Variants in CMIP observed in about 807,000 individuals in gnomAD.
CMIP encodes C-Maf-inducing protein.
A neutral mutation model predicts 97.3 loss-of-function variants in CMIP; 13 were observed. The observed-to-expected ratio is 0.13, with a 90% CI of 0.09 to 0.21. The LOEUF is 0.21. Among genes scored for constraint, CMIP ranks in the 10% least tolerant of loss-of-function variants. The pLI, the probability that CMIP is intolerant of heterozygous loss-of-function variation, is 1.00. For missense variants in CMIP, 847 were observed against 1,024.9 expected, an observed-to-expected ratio of 0.83 and a Z score of 2.37; for synonymous variants, 538 against 436.3, an observed-to-expected ratio of 1.23 and a Z score of -2.91.
rs139380283 is a variant in CMIP, at chr16:81,657,836, G to A, written c.681+20G>A. 4.3e-4 allele frequency: 680 copies of A among 1,593,916 alleles called. 2 individuals carry two copies. In the African/African-American group the frequency reaches 5.6e-3, roughly 13 times the overall value. On this transcript the variant is annotated intron_variant, in intron 5 of 20. Transcript: ENST00000537098. The stretch of plus-strand genomic sequence containing the variant: ...ATTGTGGTAAGTTCCTCTCGAACAC[G>A]CTCCCTCCACCCACCTCCGCCTCCT...
intron 3 of CMIP, among the ~76,000 whole-genome samples, chr16:81,635,200 A>G (rs1036904217): frequency 2.5e-4 from 34 of 134,180 alleles, no homozygotes; most frequent in African/African-American, 9.3e-4. Context: ...GGTGTTCCCC[A>G]CCCCCACCCC....
intron 1 of CMIP, among the ~76,000 whole-genome samples, chr16:81,540,459 C>T (rs1178548110): frequency 6.6e-6 from 1 of 151,944 alleles, no homozygotes; most frequent in African/African-American, 2.4e-5. Context: ...CAAACCACCT[C>T]GCCCAGCTAA....
rs2091024991 is a variant in CMIP, at chr16:81,568,502, T to C, written c.301-39065T>C. Among the ~76,000 whole-genome samples the C allele has an allele frequency of 2.0e-5, 3 of 152,142 alleles. No homozygotes were observed. In the South Asian group the frequency reaches 6.2e-4, roughly 32 times the overall value. On this transcript the variant is annotated intron_variant, in intron 1 of 20. Transcript: ENST00000537098. ...CGTGCCTCGGGAGTGAGTCACTCTC[T>C]CTCTGTGCCAGGCAGGAGCTCCAGG... is the stretch of plus-strand genomic sequence containing the variant.
At chr16:81,595,336 G>C (rs1216819705) in intron 1 of CMIP, among the ~76,000 whole-genome samples, 1 of 151,482 alleles carries the variant, frequency 6.6e-6, no homozygotes, top group Non-Finnish European at 1.5e-5. Context: ...TACAATGTGT[G>C]GTCTTTTGTG....
In CMIP at chr16:81,652,476, C is replaced by A; in HGVS notation, c.639+112C>A. On this transcript the variant is annotated intron_variant, in intron 4 of 20. Coordinates refer to ENST00000537098, the MANE Select transcript of CMIP (RefSeq NM_198390.3). This position sits in a 1 kb window ranked among gnomAD's most constrained non-coding sequence, Gnocchi z 5.2. ...GAGCTCCGTGTGGGCTGTGTTGTTGCCCTGCTGCCGAAGGAGGTGAGCAGT... is the reference window on the plus strand; with the variant it reads ...GAGCTCCGTGTGGGCTGTGTTGTTGACCTGCTGCCGAAGGAGGTGAGCAGT... 1.0e-6 allele frequency: 1 copy of A among 965,088 alleles called. No individual in the cohort carries two copies. Among genetic ancestry groups the A allele is most frequent in the Non-Finnish European group, 1.6e-6 (1 of 644,138 alleles). 59.8% of individuals were successfully genotyped at this position (965,088 alleles called of 1,614,324 possible). A position where few individuals can be genotyped will look rare whatever the true frequency, so the allele number is the denominator to read the frequency against.
intron 1 of CMIP, among the ~76,000 whole-genome samples, chr16:81,556,056 A>AT (rs898073127): frequency 7.2e-5 from 11 of 152,134 alleles, no homozygotes; most frequent in African/African-American, 2.7e-4. Flanking sequence ...GTCTGAAGCC[A>AT]TTTTTTCCCT....
At chr16:81,681,412 C>T (rs1335352790) in intron 10 of CMIP, among the ~76,000 whole-genome samples, 4 of 152,196 alleles carry the variant, frequency 2.6e-5, no homozygotes, top group African/African-American at 9.6e-5. Context: ...ACCCGTGCCA[C>T]ATACTAGTTG....
chr16:81,535,571 T>C (rs1346365027), intron 1 of CMIP, among the ~76,000 whole-genome samples: 1 of 151,460 alleles, frequency 6.6e-6, no homozygotes, highest in Admixed American at 6.6e-5. Context: ...ATCAGACACG[T>C]GAATTTTGTA....
At chr16:81,705,693 C>T (rs1908056288) in intron 19 of CMIP, 89 bp downstream of exon 19, 11 of 778,336 alleles carry the variant, frequency 1.4e-5, no homozygotes, top group Non-Finnish European at 2.1e-5. Context: ...ACTGACTTTG[C>T]ACCATGCACA....
intron 1 of CMIP, among the ~76,000 whole-genome samples, chr16:81,496,007 C>T (rs1199064688): frequency 6.6e-6 from 1 of 152,184 alleles, no homozygotes; most frequent in Non-Finnish European, 1.5e-5. Context: ...GCAAAGGAAG[C>T]AGGGCGTTGT....
chr16:81,573,990 C>T (rs2091143685), intron 1 of CMIP, among the ~76,000 whole-genome samples: 1 of 152,064 alleles, frequency 6.6e-6, no homozygotes, highest in Non-Finnish European at 1.5e-5. Context: ...AGGCTTGACC[C>T]CTGGAGCCTT....
At chr16:81,487,487 G>A (rs1418343393) in intron 1 of CMIP, among the ~76,000 whole-genome samples, 1 of 152,178 alleles carries the variant, frequency 6.6e-6, no homozygotes, top group Non-Finnish European at 1.5e-5. Context: ...CAAGCGGGCC[G>A]GCTTGGCGGG....
chr16:81,690,971 C>A (rs1373025719), intron 10 of CMIP, among the ~76,000 whole-genome samples: 1 of 152,058 alleles, frequency 6.6e-6, no homozygotes, highest in East Asian at 1.9e-4. Flanking sequence ...AGGGATCCAA[C>A]AAATCAGGAG....
At chr16:81,542,483 G>C (rs1339080406) in intron 1 of CMIP, among the ~76,000 whole-genome samples, 2 of 152,160 alleles carry the variant, frequency 1.3e-5, no homozygotes, top group Non-Finnish European at 2.9e-5. Context: ...CCTGCATCTG[G>C]GAATAGGGTC....
chr16:81,489,787 G>A (rs1011640191), intron 1 of CMIP, among the ~76,000 whole-genome samples: 7 of 152,368 alleles, frequency 4.6e-5, no homozygotes, highest in African/African-American at 1.7e-4. Context: ...CACGCTGGGA[G>A]CTTTTGGCAA....
chr16:81,635,788 AG>A (rs2092226923), intron 3 of CMIP, among the ~76,000 whole-genome samples: 1 of 151,810 alleles, frequency 6.6e-6, no homozygotes, highest in Admixed American at 6.6e-5. Context: ...CATTTGGGGG[AG>A]GGGGGGACAG....
Position 81,703,974 on chromosome 16 carries a change from C to T in CMIP, c.1980C>T (p.Ser660=). 1.3e-6 allele frequency: 2 copies of T among 1,598,350 alleles called. No individual in the cohort carries two copies. The highest frequency in any genetic ancestry group is 2.3e-5 in the East Asian group (1 of 44,092). The change falls in exon 18 of 21, where the codon TCC becomes TCT. Residue 660 remains serine, a synonymous_variant. Transcript: ENST00000537098. ...ADLARLLSSG[S]FGNLENLSLA... is the part of the protein sequence containing the mutation. ...TGGCTCGTTTGCTGAGCTCCGGCTCCTTCGGAAACCTGGAGAACCTCAGTT... is the reference window on the plus strand; with the variant it reads ...TGGCTCGTTTGCTGAGCTCCGGCTCTTTCGGAAACCTGGAGAACCTCAGTT...
At chr16:81,555,099 A>C (rs1198246397) in intron 1 of CMIP, among the ~76,000 whole-genome samples, 3 of 152,180 alleles carry the variant, frequency 2.0e-5, no homozygotes, top group Non-Finnish European at 4.4e-5. Context: ...CACACACGCA[A>C]GGCCTCATCT....
At chr16:81,687,106 A>T (rs890215362) in intron 10 of CMIP, among the ~76,000 whole-genome samples, 2 of 151,972 alleles carry the variant, frequency 1.3e-5, no homozygotes, top group Non-Finnish European at 2.9e-5. Context: ...CCAGATGGAG[A>T]CTCAACATCC....
Sources: gnomAD v4.1 joint callset for allele counts (sites outside exome capture counted in the v4.1 genomes callset) on GRCh38, gnomAD v4.1.1 for gene constraint, Gnocchi (gnomAD v3.1) non-coding constraint, MANE v1.5 for transcripts, NCBI Gene and HGNC (gene_info 2026-07-23, HGNC 2026-07-21) for gene names.